The following MAST1 variants were observed in gnomAD, a reference collection of about 807,000 sequenced individuals.
MAST1 encodes the protein microtubule associated serine/threonine kinase 1.
In MAST1, 40 loss-of-function variants were observed where a neutral mutation model predicts 124.6. That is an observed-to-expected ratio of 0.32 (90% CI 0.25 to 0.42). MAST1 has a LOEUF of 0.42. Among genes scored for constraint, MAST1 ranks in the 10% least tolerant of loss-of-function variants. The probability of loss-of-function intolerance (pLI) is 1.00; values close to 1 mark genes in which losing one functional copy is unlikely to be tolerated. For missense variants in MAST1, 1,558 were observed against 2,181.9 expected (o/e 0.71, Z 5.70); for synonymous variants, 938 against 939.4 (o/e 1.00, Z 0.03).
At chr19:12,862,658 CTTTT>C (rs750956121) in intron 12 of MAST1, among the ~76,000 whole-genome samples, 1 of 135,894 alleles carries the variant, frequency 7.4e-6, no homozygotes, top group Non-Finnish European at 1.6e-5. Context: ...TTTTCTTTTC[CTTTT>C]TTTTTTTTTT....
Position 12,867,863 on chromosome 19 carries a change from C to G in MAST1, c.2452C>G (p.Arg818Gly), listed in dbSNP as rs1299610161. The change falls in exon 20 of 26, where the codon CGG becomes GGG. Residue 818 changes from arginine to glycine, a missense_variant. This residue lies in a region of MAST1 where 287 missense variants were observed against 308.0 expected (regional missense o/e 0.93). Transcript: ENST00000251472. ...SAPQEDEDEA[R>G]LRRPPRPSSD... ...CCCCCAAGAGGACGAGGATGAGGCCCGGCTGCGCAGGCCTCCCCGGCCCAG... is the reference window on the plus strand; with the variant it reads ...CCCCCAAGAGGACGAGGATGAGGCCGGGCTGCGCAGGCCTCCCCGGCCCAG... The G allele has an allele frequency of 6.2e-7, 1 of 1,606,940 alleles. No homozygotes were observed. Among genetic ancestry groups the G allele is most frequent in the Non-Finnish European group, 8.5e-7 (1 of 1,177,428 alleles).
intron 10 of MAST1, among the ~76,000 whole-genome samples, chr19:12,853,460 G>A (rs1969986611): frequency 6.6e-6 from 1 of 151,848 alleles, no homozygotes; most frequent in Non-Finnish European, 1.5e-5. Flanking sequence ...GGAGGCTGAG[G>A]TGGGAGGATC....
rs1373543778 is a variant in MAST1 at position 12,874,433 on chromosome 19, T to C, written c.4276T>C (p.Ser1426Pro). Residue 1426 changes from serine to proline, a missense_variant, in exon 26 of 26, where the codon TCT becomes CCT. Coordinates refer to ENST00000251472, the MANE Select transcript of MAST1 (RefSeq NM_014975.3). The surrounding 1 kb of genome is among the most constrained non-coding windows in gnomAD (Gnocchi z 6.6). ...QEHETGRRSS[S>P]GEAGTPLVPI... ...ACACGAGACAGGCCGGCGCAGCAGC[T>C]CTGGCGAGGCGGGCACACCCCTGGT... The C allele has an allele frequency of 1.9e-6, 3 of 1,597,744 alleles. No homozygotes were observed. Among genetic ancestry groups the C allele is most frequent in the Admixed American group, 3.3e-5 (2 of 59,790 alleles).
At chr19:12,859,803 C>G (rs1219204251) in intron 12 of MAST1, among the ~76,000 whole-genome samples, 1 of 140,612 alleles carries the variant, frequency 7.1e-6, no homozygotes, top group Non-Finnish European at 1.5e-5. Flanking sequence ...CCAGCCCTGG[C>G]AACTGAGCAA....
In MAST1 at chr19:12,847,103, G is replaced by T; in HGVS notation, c.328-187G>T. 1.7e-6 allele frequency: 1 copy of T among 591,892 alleles called. No homozygotes were observed. The highest frequency in any genetic ancestry group is 3.0e-6 in the Non-Finnish European group (1 of 331,288). The allele number at this position is 591,892 out of a possible 1,614,324, so 36.7% of individuals were successfully genotyped here. On this transcript the variant is annotated intron_variant, in intron 4 of 25. Transcript: ENST00000251472. This position sits in a 1 kb window ranked among gnomAD's most constrained non-coding sequence, Gnocchi z 5.5. ...TAACAGACTCACTGTCTCCACCCCT[G>T]TCTGTCCCTGTCCACCTGTCTGTGG... is the stretch of plus-strand genomic sequence containing the variant.
chr19:12,865,554 G>A lies in MAST1; in HGVS notation c.1804+73G>A, dbSNP rs954181076. Reference sequence around the variant, plus strand: ...AGATGGACAGGCTCAGGGTTCCAGGGATTTCAAAAGCGACCCCCCAGAGGA... The same window carrying A: ...AGATGGACAGGCTCAGGGTTCCAGGAATTTCAAAAGCGACCCCCCAGAGGA... On this transcript the variant is annotated intron_variant, in intron 15 of 25. Transcript: ENST00000251472. This position sits in a 1 kb window ranked among gnomAD's most constrained non-coding sequence, Gnocchi z 7.1. 6 of 1,521,458 alleles carry A rather than the reference G, an allele frequency of 3.9e-6. No homozygotes were observed. The South Asian group carries it at 7.8e-5, about 20-fold the overall frequency. 94.2% of individuals were successfully genotyped at this position (1,521,458 alleles called of 1,614,324 possible).
Position 12,841,009 on chromosome 19 carries a change from GC to G in MAST1, c.196del (p.Arg66GlufsTer111). The G allele has an allele frequency of 2.2e-6, 3 of 1,377,740 alleles. No individual in the cohort carries two copies. Among genetic ancestry groups the G allele is most frequent in the Non-Finnish European group, 3.1e-6 (3 of 963,550 alleles). 85.3% of individuals were successfully genotyped at this position (1,377,740 alleles called of 1,614,324 possible). A position where few individuals can be genotyped will look rare whatever the true frequency, so the allele number is the denominator to read the frequency against. On this transcript the variant is annotated frameshift_variant, in exon 3 of 26. Transcript: ENST00000251472. LOFTEE classifies it high-confidence loss of function. The surrounding 1 kb of genome is among the most constrained non-coding windows in gnomAD (Gnocchi z 4.3). ...PGHLGSSPLD[S>X]PRNFSPNTPA... Reference sequence around the variant, plus strand: ...CTCATAGGCAGCAGTCCCCTGGACAGCCCCCGAAACTTCTCCCCCAACACCC... The same window carrying G: ...CTCATAGGCAGCAGTCCCCTGGACAGCCCCGAAACTTCTCCCCCAACACCC...
rs150843626 is a variant in MAST1, at chr19:12,846,954, G to C, written c.328-336G>C. Among the ~76,000 whole-genome samples, 950 of 151,830 alleles carry C rather than the reference G, an allele frequency of 6.3e-3. 9 individuals are homozygous for C. Among genetic ancestry groups the C allele is most frequent in the Admixed American group, 0.012 (186 of 15,228 alleles). On this transcript the variant is annotated intron_variant, in intron 4 of 25. Transcript: ENST00000251472. ...AGGAGAGTGAGAAAAATCCACGGCA[G>C]GGACCCAGGGCAGGATGAGGCAGGA... is the stretch of plus-strand genomic sequence containing the variant.
chr19:12,873,916 C>T lies in MAST1; in HGVS notation c.3759C>T (p.Ala1253=), dbSNP rs761048478. The change falls in exon 26 of 26, where the codon GCC becomes GCT. Residue 1253 remains alanine (A), a synonymous_variant. Coordinates refer to ENST00000251472, the MANE Select transcript of MAST1 (RefSeq NM_014975.3). The part of the protein sequence containing the change: ...PPVVRPRPKS[A]EPPRSPLLKR... Reference sequence around the variant, plus strand: ...TCGTGCGCCCGCGCCCCAAGAGTGCCGAGCCCCCTCGCTCGCCGCTCCTCA... The same window carrying T: ...TCGTGCGCCCGCGCCCCAAGAGTGCTGAGCCCCCTCGCTCGCCGCTCCTCA... The T allele has an allele frequency of 6.3e-7, 1 of 1,584,382 alleles. No individual in the cohort carries two copies. The highest frequency in any genetic ancestry group is 1.1e-5 in the South Asian group (1 of 88,594).
Position 12,873,989 on chromosome 19 carries a change from A to G in MAST1, c.3832A>G (p.Lys1278Glu). Residue 1278 changes from lysine (K) to glutamate (E), a missense_variant, in exon 26 of 26, where the codon AAG (lysine) becomes GAG (glutamate). Physicochemically the swap from Lys to Glu is moderately conservative, Grantham distance 56. This residue lies in a region of MAST1 where 263 missense variants were observed against 310.9 expected (regional missense o/e 0.85). Transcript: ENST00000251472. ...GCTGGGAGCCTCTTTGAGTGCGGAC[A>G]AGAAGGGCGCGCTGCGCAAACACAG... ...EKLGASLSAD[K>E]KGALRKHSLE... 1 of 1,603,528 alleles carries G rather than the reference A, an allele frequency of 6.2e-7. No homozygotes were observed. The highest frequency in any genetic ancestry group is 8.5e-7 in the Non-Finnish European group (1 of 1,179,304).
Position 12,851,922 on chromosome 19 carries a change from C to G in MAST1, c.775-12C>G. On this transcript the variant is annotated splice_polypyrimidine_tract_variant and intron_variant, in intron 7 of 25. Coordinates refer to ENST00000251472, the MANE Select transcript of MAST1 (RefSeq NM_014975.3). ...GCCTATGAGCCCTGTCCCTCTGTGT[C>G]CCCTGCCACAGGCCTATGAACGCTC... The G allele has an allele frequency of 6.2e-7, 1 of 1,608,612 alleles. No homozygotes were observed. The highest frequency in any genetic ancestry group is 8.5e-7 in the Non-Finnish European group (1 of 1,176,470).
chr19:12,841,020 T>C lies in MAST1; in HGVS notation c.202T>C (p.Phe68Leu), dbSNP rs1969819809. The change falls in exon 3 of 26, where the codon TTC becomes CTC. Residue 68 changes from phenylalanine (F) to leucine (L), a missense_variant. Phe to Leu is a conservative substitution (Grantham distance 22). Around this residue, in one of 10 missense-constraint regions of MAST1, gnomAD observed 57 missense variants for 35.3 expected, o/e 1.62. Transcript: ENST00000251472. The surrounding 1 kb of genome is among the most constrained non-coding windows in gnomAD (Gnocchi z 4.3). ...CAGTCCCCTGGACAGCCCCCGAAAC[T>C]TCTCCCCCAACACCCCCGCCCACTT... ...GSSPLDSPRN[F>L]SPNTPAHFSF... 9.5e-6 allele frequency: 13 copies of C among 1,361,392 alleles called. No individual in the cohort carries two copies. The highest frequency in any genetic ancestry group is 1.4e-5 in the Non-Finnish European group (13 of 950,170). 84.3% of individuals were successfully genotyped at this position (1,361,392 alleles called of 1,614,324 possible).
At chr19:12,870,409 T>G (rs1219760768) in intron 22 of MAST1, among the ~76,000 whole-genome samples, 1 of 147,470 alleles carries the variant, frequency 6.8e-6, no homozygotes, top group Non-Finnish European at 1.5e-5. Flanking sequence ...GATAATCGCG[T>G]GAACCCGGGA....
At position 12,852,406 on chromosome 19, in the gene MAST1, G is replaced by A. The variant is rs2145895604; in HGVS notation, c.1077+11G>A. ...GACGATCTCTCTGAGGTAAGGCTGGGTGGCTAAGCGGTCAGTACCCTGGTT... is the reference window on the plus strand; with the variant it reads ...GACGATCTCTCTGAGGTAAGGCTGGATGGCTAAGCGGTCAGTACCCTGGTT... On this transcript the variant is annotated intron_variant, in intron 10 of 25. Coordinates refer to ENST00000251472, the MANE Select transcript of MAST1 (RefSeq NM_014975.3). The A allele has an allele frequency of 6.2e-7, 1 of 1,613,564 alleles. No individual in the cohort carries two copies. The highest frequency in any genetic ancestry group is 1.3e-5 in the African/African-American group (1 of 75,024).
At chr19:12,855,541 A>G (rs536794442) in intron 10 of MAST1, among the ~76,000 whole-genome samples, 2 of 152,268 alleles carry the variant, frequency 1.3e-5, no homozygotes, top group East Asian at 3.9e-4. Context: ...GATATTGGGT[A>G]CCTGCCCCTT....
At chr19:12,855,990 G>A (rs1970012432) in intron 10 of MAST1, among the ~76,000 whole-genome samples, 1 of 149,286 alleles carries the variant, frequency 6.7e-6, no homozygotes, top group East Asian at 2.0e-4. Flanking sequence ...ATAGGTAAGA[G>A]TTCCATACAA....
In MAST1 at chr19:12,838,555, T is replaced by G; in HGVS notation, c.-18T>G. On this transcript the variant is annotated 5_prime_UTR_variant, in exon 1 of 26. It removes an upstream start codon present in the reference 5' UTR. Coordinates refer to ENST00000251472, the MANE Select transcript of MAST1 (RefSeq NM_014975.3). The surrounding 1 kb of genome is among the most constrained non-coding windows in gnomAD (Gnocchi z 4.3). ...GCCGCTGCTGCCGCACCTGCCACCA[T>G]GTCGCCGCCGCCGGGTCATGTCTGA... is the stretch of plus-strand genomic sequence containing the variant. 1.3e-6 allele frequency: 2 copies of G among 1,502,622 alleles called. No individual in the cohort carries two copies. The highest frequency in any genetic ancestry group is 1.8e-6 in the Non-Finnish European group (2 of 1,121,314). The allele number at this position is 1,502,622 out of a possible 1,614,324, so 93.1% of individuals were successfully genotyped here.
chr19:12,839,049 A>G (rs1969795222), intron 1 of MAST1, among the ~76,000 whole-genome samples: 1 of 150,972 alleles, frequency 6.6e-6, no homozygotes, highest in East Asian at 1.9e-4. Context: ...TAATATGCTC[A>G]GTCACTGCGG....
intron 4 of MAST1, among the ~76,000 whole-genome samples, chr19:12,846,111 A>T (rs1447164192): frequency 6.6e-6 from 1 of 152,076 alleles, no homozygotes; most frequent in Non-Finnish European, 1.5e-5. Context: ...CAGAGGGGGG[A>T]AGATTACTTT....
Sources: allele counts gnomAD v4.1 joint callset (sites outside exome capture counted in the v4.1 genomes callset), GRCh38; gene constraint gnomAD v4.1.1; regional missense constraint gnomAD v4.1.1; non-coding constraint Gnocchi (gnomAD v3.1); transcripts MANE v1.5; gene names NCBI Gene and HGNC (gene_info 2026-07-23, HGNC 2026-07-21).